Variants in METTL13 observed in about 807,000 individuals in gnomAD.
The protein encoded by METTL13 is methyltransferase 13, eEF1A N-terminus and K55.
A neutral mutation model predicts 67.4 loss-of-function variants in METTL13; 52 were observed. The observed-to-expected ratio is 0.77, with a 90% CI of 0.62 to 0.97. METTL13 has a LOEUF of 0.97. METTL13 is among the 50% of genes least tolerant of loss of function. The pLI, the probability that METTL13 is intolerant of heterozygous loss-of-function variation, is 0.00. For synonymous variants in METTL13, 354 were observed against 353.6 expected, an observed-to-expected ratio of 1.00 and a Z score of -0.01; for missense variants, 825 against 889.6, an observed-to-expected ratio of 0.93 and a Z score of 0.92.
chr1:171,784,640 C>A (rs1271946221), intron 2 of METTL13, 141 bp downstream of exon 2: 1 of 1,135,750 alleles, frequency 8.8e-7, no homozygotes. Flanking sequence ...TTTGTACTTC[C>A]AGAGGATTAG....
chr1:171,790,728 A>C (rs1657178606), intron 5 of METTL13, 112 bp downstream of exon 5: 12 of 1,134,108 alleles, frequency 1.1e-5, no homozygotes, highest in African/African-American at 1.6e-5. Context: ...CTGACAATGT[A>C]TCTTTCTTCA....
intron 7 of METTL13, 58 bp downstream of exon 7, chr1:171,794,585 C>A (rs1459424676): frequency 6.2e-7 from 1 of 1,604,316 alleles, no homozygotes; most frequent in African/African-American, 1.3e-5. Flanking sequence ...CAAAAATTAT[C>A]TTTTTAATGA....
chr1:171,787,843 A>G lies in METTL13; in HGVS notation c.1222A>G (p.Lys408Glu), dbSNP rs1304442218. The G allele has an allele frequency of 1.9e-6, 3 of 1,614,068 alleles. No homozygotes were observed. Among genetic ancestry groups the G allele is most frequent in the Non-Finnish European group, 2.5e-6 (3 of 1,180,040 alleles). Residue 408 changes from lysine (K) to glutamate (E), a missense_variant, in exon 4 of 8, where the codon AAG becomes GAG. Transcript: ENST00000361735. ...YVIEDVQGDD[K>E]RYFRRLIFLS... ...CATTGAGGATGTGCAAGGGGATGAC[A>G]AGCGATACTTCCGTCGACTGATCTT...
chr1:171,785,766 A>T, intron 2 of METTL13, 113 bp from the exon 3 acceptor site: 1 of 1,071,756 alleles, frequency 9.3e-7, no homozygotes, highest in South Asian at 1.5e-5. Flanking sequence ...AGTGGGTCAC[A>T]GTTGGGGAAG....
At chr1:171,783,592 A>G (rs988716154) in intron 1 of METTL13, 148 bp from the exon 2 acceptor site, 32 of 881,604 alleles carry the variant, frequency 3.6e-5, no homozygotes, top group Middle Eastern at 3.2e-4. Context: ...TCTAGCATCA[A>G]CTCTACAATG....
At chr1:171,787,666 A>G (rs2232820) in intron 3 of METTL13, 69 bp from the exon 4 acceptor site, 23 of 1,414,622 alleles carry the variant, frequency 1.6e-5, no homozygotes, top group Middle Eastern at 3.9e-4. Flanking sequence ...ACAAAAGGGA[A>G]GGGGTTATAA....
intron 2 of METTL13, 127 bp downstream of exon 2, chr1:171,784,626 G>A: frequency 8.1e-7 from 1 of 1,241,688 alleles, no homozygotes; most frequent in East Asian, 2.7e-5. Context: ...TTGTCTTGCA[G>A]GGGTTTGTAC....
In METTL13 at chr1:171,784,153, C is replaced by G. The variant is rs1383363827; in HGVS notation, c.567C>G (p.Ser189Arg). ...TGAGGGTGCACCAAGTGGCCAACAG[C>G]CAGGACCAGGTGTTGGAAGCAGAGC... ...WMVRVHQVAN[S>R]QDQVLEAEPQ... is the part of the protein sequence containing the mutation. Residue 189 changes from serine (S) to arginine (R), a missense_variant, in exon 2 of 8, where the codon AGC becomes AGG. Transcript: ENST00000361735. 6.2e-7 allele frequency: 1 copy of G among 1,614,252 alleles called. No homozygotes were observed. The highest frequency in any genetic ancestry group is 1.1e-5 in the South Asian group (1 of 91,092).
chr1:171,790,895 TA>T (rs556998339), intron 5 of METTL13: 71 of 257,504 alleles, frequency 2.8e-4, no homozygotes, highest in African/African-American at 1.4e-3. Context: ...TTCAATGAGA[TA>T]TGTAAAAATA....
Position 171,796,739 on chromosome 1 carries a change from A to G in METTL13, c.2083A>G (p.Thr695Ala), listed in dbSNP as rs1279695966. The change falls in exon 8 of 8, where the codon ACG becomes GCG. Residue 695 changes from threonine (T) to alanine (A), a missense_variant. By Grantham distance (58) the Thr-to-Ala change is moderately conservative. Coordinates refer to ENST00000361735, the MANE Select transcript of METTL13 (RefSeq NM_015935.5). ...DTYVLSDMLK[T>A]VKIV ...GTATGTCTTGTCAGATATGCTCAAG[A>G]CGGTGAAAATTGTGTGACTGCTTAG... 1.2e-6 allele frequency: 2 copies of G among 1,613,916 alleles called. No homozygotes were observed. Among genetic ancestry groups the G allele is most frequent in the Admixed American group, 1.7e-5 (1 of 60,026 alleles).
At chr1:171,783,111 T>A (rs1656882098) in intron 1 of METTL13, among the ~76,000 whole-genome samples, 1 of 150,506 alleles carries the variant, frequency 6.6e-6, no homozygotes, top group African/African-American at 2.5e-5. Flanking sequence ...CATGTGGGGA[T>A]TTAAACTCAG....
At position 171,785,807 on chromosome 1, in the gene METTL13, G is replaced by T. The variant is rs1416487692; in HGVS notation, c.914-72G>T. ...GGTCTTGGACAGGGACTGGCTCCCT[G>T]CCGTTTGGGCCATATTGGTTGTGGG... On this transcript the variant is annotated intron_variant, in intron 2 of 7. Coordinates refer to ENST00000361735, the MANE Select transcript of METTL13 (RefSeq NM_015935.5). 5.3e-6 allele frequency: 8 copies of T among 1,504,694 alleles called. No individual in the cohort carries two copies. In the African/African-American group the frequency reaches 9.6e-5, roughly 18 times the overall value. The allele number at this position is 1,504,694 out of a possible 1,614,324, so 93.2% of individuals were successfully genotyped here.
chr1:171,784,094 G>A lies in METTL13; in HGVS notation c.508G>A (p.Ala170Thr), dbSNP rs1450019832. The stretch of plus-strand genomic sequence containing the variant: ...GGCTCAGGCTCACATCCTGAAGAAA[G>A]CAGTGGGCCACTTCTCCCGGGAGGG... ...SLAQAHILKK[A>T]VGHFSREGWM... The change falls in exon 2 of 8, where the codon GCA becomes ACA. Residue 170 changes from alanine (A) to threonine (T), a missense_variant. Transcript: ENST00000361735. 6.2e-7 allele frequency: 1 copy of A among 1,614,206 alleles called. No individual in the cohort carries two copies. Among genetic ancestry groups the A allele is most frequent in the East Asian group, 2.2e-5 (1 of 44,882 alleles).
Position 171,784,320 on chromosome 1 carries a change from C to T in METTL13, c.734C>T (p.Ala245Val), listed in dbSNP as rs150630686. The T allele has an allele frequency of 2.2e-4, 349 of 1,601,504 alleles. No homozygotes were observed. Among genetic ancestry groups the T allele is most frequent in the Non-Finnish European group, 2.8e-4 (330 of 1,172,958 alleles). The change falls in exon 2 of 8, where the codon GCG becomes GTG. Residue 245 changes from alanine (A) to valine (V), a missense_variant. Ala to Val is a moderately conservative substitution (Grantham distance 64). Coordinates refer to ENST00000361735, the MANE Select transcript of METTL13 (RefSeq NM_015935.5). The part of the protein sequence containing the change: ...RLESAERLAE[A>V]VQERQQYAWL... Reference sequence around the variant, plus strand: ...GAGAGTGCCGAGCGGCTGGCCGAGGCGGTGCAGGAGCGACAGCAGTATGCC... The same window carrying T: ...GAGAGTGCCGAGCGGCTGGCCGAGGTGGTGCAGGAGCGACAGCAGTATGCC...
At chr1:171,785,456 G>C (rs956556034) in intron 2 of METTL13, among the ~76,000 whole-genome samples, 1 of 152,228 alleles carries the variant, frequency 6.6e-6, no homozygotes, top group Non-Finnish European at 1.5e-5. Flanking sequence ...CTTATTGTGC[G>C]AAGTTGGGCA....
intron 5 of METTL13, 184 bp downstream of exon 5, chr1:171,790,800 T>A (rs1657180966): frequency 3.7e-6 from 2 of 542,278 alleles, no homozygotes; most frequent in African/African-American, 3.9e-5. Context: ...CTCAACCTGT[T>A]ATATTGAAAT....
At chr1:171,792,771 A>T (rs1657249251) in intron 6 of METTL13, among the ~76,000 whole-genome samples, 1 of 152,212 alleles carries the variant, frequency 6.6e-6, no homozygotes, top group Non-Finnish European at 1.5e-5. Flanking sequence ...GAGGTCTAGG[A>T]TGCTAGTAAA....
Position 171,796,862 on chromosome 1 carries a change from T to G in METTL13, c.*106T>G. 5 of 1,440,688 alleles carry G rather than the reference T, an allele frequency of 3.5e-6. No homozygotes were observed. The South Asian group carries it at 6.8e-5, about 20-fold the overall frequency. The allele number at this position is 1,440,688 out of a possible 1,614,324, so 89.2% of individuals were successfully genotyped here. A position where few individuals can be genotyped will look rare whatever the true frequency, so the allele number is the denominator to read the frequency against. ...GTACTTTTGAAGCTTCGTATTTTTC[T>G]TGGTTTCACACTCAGCTACATGTGA... On this transcript the variant is annotated 3_prime_UTR_variant, in exon 8 of 8. Transcript: ENST00000361735.
At chr1:171,786,520 T>C (rs1558130502) in intron 3 of METTL13, among the ~76,000 whole-genome samples, 1 of 152,224 alleles carries the variant, frequency 6.6e-6, no homozygotes, top group Non-Finnish European at 1.5e-5. Flanking sequence ...GGTGTTTTAC[T>C]GGGAAGGAAA....
Sources: allele counts gnomAD v4.1 joint callset (sites outside exome capture counted in the v4.1 genomes callset), GRCh38; gene constraint gnomAD v4.1.1; transcripts MANE v1.5; gene names NCBI Gene and HGNC (gene_info 2026-07-23, HGNC 2026-07-21).